The following CATSPERG variants were observed in gnomAD, a reference collection of about 807,000 sequenced individuals.
The protein encoded by CATSPERG is catsper channel auxiliary subunit gamma.
In CATSPERG, 115 loss-of-function variants were observed where a neutral mutation model predicts 145.0. That is an observed-to-expected ratio of 0.79 (90% CI 0.68 to 0.93). The LOEUF (loss-of-function observed/expected upper bound fraction) is 0.93. CATSPERG is among the 40% of genes least tolerant of loss of function. CATSPERG has a pLI of 0.00. For synonymous variants in CATSPERG, 588 were observed against 589.0 expected, an observed-to-expected ratio of 1.00 and a Z score of 0.02; for missense variants, 1,296 against 1,490.1, an observed-to-expected ratio of 0.87 and a Z score of 2.14.
Position 38,361,775 on chromosome 19 carries a change from C to A in CATSPERG, c.2008C>A (p.Arg670Ser), listed in dbSNP as rs1183399906. ...GGCGCGGCCGCCGCGCGTCCTGGAG[C>A]GCTCGGGCTTCCACAACGAGAACTC... ...YRARPPRVLE[R>S]SGFHNENSLA... Residue 670 changes from arginine to serine, a missense_variant, in exon 17 of 29, where the codon CGC becomes AGC. By Grantham distance (110) the Arg-to-Ser change is moderately radical. Coordinates refer to ENST00000409235, the MANE Select transcript of CATSPERG (RefSeq NM_021185.5). The A allele has an allele frequency of 6.2e-7, 1 of 1,613,156 alleles. No homozygotes were observed. Among genetic ancestry groups the A allele is most frequent in the South Asian group, 1.1e-5 (1 of 90,896 alleles).
chr19:38,362,037 C>A, intron 17 of CATSPERG, 173 bp from the exon 18 acceptor site: 1 of 923,626 alleles, frequency 1.1e-6, no homozygotes. Context: ...CAGGGGAAGG[C>A]GTTGGGGGTG....
chr19:38,352,530 T>C (rs1391831587), intron 8 of CATSPERG, 98 bp downstream of exon 8: 5 of 1,258,344 alleles, frequency 4.0e-6, no homozygotes, highest in East Asian at 2.5e-5. Context: ...GGGTGAGGCA[T>C]TGGGGAAGGA....
At chr19:38,366,415 T>C (rs977620) in intron 22 of CATSPERG, 148,549 of 152,606 alleles carry the variant, frequency 0.97, 72,317 homozygotes, top group East Asian at 1. Context: ...GGAAGTGTGA[T>C]TGCATCAGGG....
chr19:38,348,277 G>C (rs58982027), intron 7 of CATSPERG, among the ~76,000 whole-genome samples: 1 of 151,978 alleles, frequency 6.6e-6, no homozygotes, highest in African/African-American at 2.4e-5. Context: ...TCCTGCCTCA[G>C]CCTACCAAAT....
intron 8 of CATSPERG, among the ~76,000 whole-genome samples, chr19:38,352,685 G>C (rs1428134083): frequency 1.3e-5 from 2 of 149,502 alleles, no homozygotes; most frequent in Non-Finnish European, 3.0e-5. Context: ...GAGGGGGTGC[G>C]AGAGTAAAGG....
At chr19:38,339,602 AT>A (rs1969903108) in intron 3 of CATSPERG, among the ~76,000 whole-genome samples, 1 of 152,056 alleles carries the variant, frequency 6.6e-6, no homozygotes, top group African/African-American at 2.4e-5. Flanking sequence ...AGTAGCAGGA[AT>A]TAAAGTTTTT....
At chr19:38,369,808 G>T (rs1016351662) in intron 26 of CATSPERG, among the ~76,000 whole-genome samples, 164 bp from the exon 27 acceptor site, 1 of 152,152 alleles carries the variant, frequency 6.6e-6, no homozygotes, top group Admixed American at 6.6e-5. Flanking sequence ...CACAGTAGGC[G>T]TTCAGTCAGC....
At position 38,362,165 on chromosome 19, in the gene CATSPERG, C is replaced by T. The variant is rs148114169; in HGVS notation, c.2095-45C>T. 9.3e-4 allele frequency: 1,443 copies of T among 1,551,290 alleles called. 12 individuals carry two copies. The African/African-American group carries it at 0.017, about 19-fold the overall frequency. On this transcript the variant is annotated intron_variant, in intron 17 of 28. Transcript: ENST00000409235. ...GGGATGCCGCTTGCCTGGAGGCTCTCGCCCCGCTGCCCAATCCCTTCACGG... is the reference window on the plus strand; with the variant it reads ...GGGATGCCGCTTGCCTGGAGGCTCTTGCCCCGCTGCCCAATCCCTTCACGG...
At chr19:38,356,926 C>T (rs1970254527) in intron 11 of CATSPERG, 65 bp downstream of exon 11, 1 of 1,589,774 alleles carries the variant, frequency 6.3e-7, no homozygotes. Flanking sequence ...GACTGCATGC[C>T]CATCCTGAGG....
At chr19:38,361,300 C>T (rs982682332) in intron 16 of CATSPERG, among the ~76,000 whole-genome samples, 5 of 152,102 alleles carry the variant, frequency 3.3e-5, no homozygotes, top group African/African-American at 1.2e-4. Context: ...GGTCATCGTC[C>T]TGCGGAGGGT....
intron 7 of CATSPERG, among the ~76,000 whole-genome samples, chr19:38,348,289 G>A (rs1000558233): frequency 4.0e-5 from 6 of 151,788 alleles, no homozygotes; most frequent in African/African-American, 1.2e-4. Flanking sequence ...CTACCAAATA[G>A]CTGGTATTAC....
Position 38,352,372 on chromosome 19 carries a change from C to A in CATSPERG, c.937C>A (p.Gln313Lys). The change falls in exon 8 of 29, where the codon CAG becomes AAG. Residue 313 changes from glutamine to lysine, a missense_variant. Gln to Lys is a moderately conservative substitution (Grantham distance 53). Coordinates refer to ENST00000409235, the MANE Select transcript of CATSPERG (RefSeq NM_021185.5). Reference sequence around the variant, plus strand: ...GAGCACCCTCTTCATTCGGCAGAACCAGCTGGTCTACTATTTTACAGGCAC... The same window carrying A: ...GAGCACCCTCTTCATTCGGCAGAACAAGCTGGTCTACTATTTTACAGGCAC... ...TESTLFIRQN[Q>K]LVYYFTGTYT... 6.4e-7 allele frequency: 1 copy of A among 1,551,928 alleles called. No homozygotes were observed. Among genetic ancestry groups the A allele is most frequent in the Non-Finnish European group, 8.7e-7 (1 of 1,147,110 alleles).
intron 3 of CATSPERG, among the ~76,000 whole-genome samples, chr19:38,341,197 C>T (rs1011214577): frequency 3.3e-5 from 5 of 152,166 alleles, no homozygotes; most frequent in Non-Finnish European, 7.3e-5. Flanking sequence ...GGCTTTTACT[C>T]TGAGACAGAG....
At chr19:38,361,396 G>C (rs895838111) in intron 16 of CATSPERG, among the ~76,000 whole-genome samples, 1 of 152,088 alleles carries the variant, frequency 6.6e-6, no homozygotes, top group Non-Finnish European at 1.5e-5. Context: ...ATGGAATAAA[G>C]ATAAGAGGTC....
intron 8 of CATSPERG, among the ~76,000 whole-genome samples, chr19:38,354,410 G>A (rs954750885): frequency 6.6e-6 from 1 of 152,160 alleles, no homozygotes; most frequent in African/African-American, 2.4e-5. Flanking sequence ...ATCTTGTTGC[G>A]GATTGCAAGC....
chr19:38,358,411 C>A (rs770511935), intron 12 of CATSPERG, 21 bp from the exon 13 acceptor site: 1 of 1,614,068 alleles, frequency 6.2e-7, no homozygotes, highest in African/African-American at 1.3e-5. Flanking sequence ...GCTGTGTCCT[C>A]TCTTCCTCTG....
At position 38,346,611 on chromosome 19, in the gene CATSPERG, C is replaced by T. The variant is rs772623482; in HGVS notation, c.825+6C>T. 1.3e-5 allele frequency: 20 copies of T among 1,541,320 alleles called. 1 individual carries two copies. The Admixed American group carries it at 1.6e-4, about 12-fold the overall frequency. ...AGGACTTCTCTCTCGTGGAGGTGAA[C>T]GGTGTGGGGCAGATGGTGGGCGGGG... is the stretch of plus-strand genomic sequence containing the variant. On this transcript the variant is annotated splice_donor_region_variant and intron_variant, in intron 7 of 28. Coordinates refer to ENST00000409235, the MANE Select transcript of CATSPERG (RefSeq NM_021185.5).
At chr19:38,338,794 A>G (rs1034163720) in intron 3 of CATSPERG, among the ~76,000 whole-genome samples, 1 of 151,912 alleles carries the variant, frequency 6.6e-6, no homozygotes, top group Non-Finnish European at 1.5e-5. Context: ...TAATGAGCCT[A>G]GGAGGTTGAG....
At chr19:38,353,960 C>G (rs1021260446) in intron 8 of CATSPERG, among the ~76,000 whole-genome samples, 1 of 134,358 alleles carries the variant, frequency 7.4e-6, no homozygotes, top group African/African-American at 2.9e-5. Flanking sequence ...CACTGCACTC[C>G]AGCCTGGGCG....
Sources: allele counts gnomAD v4.1 joint callset (sites outside exome capture counted in the v4.1 genomes callset), GRCh38; gene constraint gnomAD v4.1.1; transcripts MANE v1.5; gene names NCBI Gene and HGNC (gene_info 2026-07-23, HGNC 2026-07-21).